The following GLB1 variants were observed in gnomAD, a reference collection of about 807,000 sequenced individuals.
GLB1 encodes galactosidase beta 1, also known as beta-galactosidase.
GLB1 carries 56 observed loss-of-function variants against 74.0 expected under a neutral mutation model. The ratio of observed to expected loss-of-function variants is 0.76; its 90% CI spans 0.61 to 0.94. The LOEUF (loss-of-function observed/expected upper bound fraction) is 0.94, where lower values mean the gene tolerates loss of function less well. Among genes scored for constraint, GLB1 ranks in the 40% least tolerant of loss-of-function variants. The pLI is 0.00. For synonymous variants in GLB1, 323 were observed against 323.6 expected (o/e 1.00, Z 0.02); for missense variants, 787 against 845.5 (o/e 0.93, Z 0.86).
At chr3:33,082,153 G>A (rs1054171406) in intron 1 of GLB1, among the ~76,000 whole-genome samples, 1 of 152,240 alleles carries the variant, frequency 6.6e-6, no homozygotes, top group Non-Finnish European at 1.5e-5. Context: ...TGACATGGTA[G>A]CACCAGGGAA....
intron 10 of GLB1, among the ~76,000 whole-genome samples, chr3:33,044,665 T>G (rs1232950407): frequency 6.6e-6 from 1 of 152,172 alleles, no homozygotes; most frequent in African/African-American, 2.4e-5. Flanking sequence ...ATAAGTGTGG[T>G]AAGTCTAGAT....
At chr3:32,964,294 G>A in the GLB1 span, among the ~76,000 whole-genome samples, 1 of 152,298 alleles carries the variant, frequency 6.6e-6, no homozygotes, top group Non-Finnish European at 1.5e-5. Flanking sequence ...GTGAACGATG[G>A]TTCACATGGA....
At chr3:32,989,842 A>G in the GLB1 span, among the ~76,000 whole-genome samples, 2 of 152,134 alleles carry the variant, frequency 1.3e-5, no homozygotes, top group African/African-American at 4.8e-5. Context: ...ATTTTCCTAA[A>G]CTGTAAACTG....
At position 33,059,936 on chromosome 3, in the gene GLB1, T is replaced by C. The variant is rs555821504; in HGVS notation, c.553-1667A>G. Among the ~76,000 whole-genome samples the C allele has an allele frequency of 5.9e-5, 9 of 152,302 alleles. No individual in the cohort carries two copies. The South Asian group carries it at 8.3e-4, about 14-fold the overall frequency. On this transcript the variant is annotated intron_variant, in intron 5 of 15. Coordinates refer to ENST00000307363, the MANE Select transcript of GLB1 (RefSeq NM_000404.4). ...AGTCCCAGAAAAGAGGTGCTTAGCCTGAGTGCCTGGGAGAGATTGTTAGGG... is the reference window on the plus strand; with the variant it reads ...AGTCCCAGAAAAGAGGTGCTTAGCCCGAGTGCCTGGGAGAGATTGTTAGGG...
intron 1 of GLB1, among the ~76,000 whole-genome samples, chr3:33,074,135 C>T (rs955503378): frequency 6.7e-6 from 1 of 149,932 alleles, no homozygotes; most frequent in South Asian, 2.1e-4. Context: ...GTCAGGAGAT[C>T]GAAAGCATCC....
intron 15 of GLB1, among the ~76,000 whole-genome samples, chr3:33,013,729 C>A (rs957115854): frequency 6.6e-6 from 1 of 152,104 alleles, no homozygotes; most frequent in Non-Finnish European, 1.5e-5. Flanking sequence ...GAGGGATCCA[C>A]CTCTTTGTCT....
intron 10 of GLB1, among the ~76,000 whole-genome samples, chr3:33,041,833 G>A (rs1463949921): frequency 6.6e-6 from 1 of 151,902 alleles, no homozygotes; most frequent in Non-Finnish European, 1.5e-5. Flanking sequence ...GTGGTCCTGG[G>A]ACAAAGGTAC....
the GLB1 span, among the ~76,000 whole-genome samples, chr3:32,986,843 C>T: frequency 9.2e-5 from 14 of 152,158 alleles, no homozygotes; most frequent in Middle Eastern, 3.4e-3. Context: ...CACTCGCCTT[C>T]GCCTCCCAAA....
At chr3:33,021,693 C>T in intron 11 of GLB1, 38 bp from the exon 12 acceptor site, 3 of 1,598,362 alleles carry the variant, frequency 1.9e-6, no homozygotes, top group Non-Finnish European at 2.6e-6. Context: ...ACACTGCACC[C>T]CTCACTGGTC....
the GLB1 span, among the ~76,000 whole-genome samples, chr3:32,972,020 C>CA: frequency 3.3e-5 from 5 of 152,194 alleles, no homozygotes; most frequent in Admixed American, 3.3e-4. Flanking sequence ...AGCATAATCA[C>CA]AAAAATAGAC....
intron 11 of GLB1, among the ~76,000 whole-genome samples, chr3:33,021,979 C>T (rs772188564): frequency 3.9e-5 from 6 of 152,158 alleles, no homozygotes; most frequent in Non-Finnish European, 2.9e-5. Context: ...TCCTTATAAA[C>T]CCTCTCTGAA....
chr3:33,056,035 C>T (rs1429481121), intron 6 of GLB1, among the ~76,000 whole-genome samples: 5 of 151,352 alleles, frequency 3.3e-5, no homozygotes, highest in Admixed American at 1.3e-4. Context: ...TGAAACCAGC[C>T]GGGCCAACAT....
downstream of GLB1, among the ~76,000 whole-genome samples, chr3:32,992,677 G>T (rs934431547): frequency 2.6e-5 from 4 of 152,208 alleles, no homozygotes; most frequent in Non-Finnish European, 5.9e-5. Flanking sequence ...CTGTCCTGTT[G>T]TATCTTAGGA....
chr3:33,029,197 C>A (rs1342721066), intron 10 of GLB1, among the ~76,000 whole-genome samples: 2 of 152,166 alleles, frequency 1.3e-5, no homozygotes, highest in Non-Finnish European at 2.9e-5. Context: ...TACCAAAATG[C>A]TATACTTCTA....
chr3:32,999,930 C>T (rs763817267), intron 15 of GLB1, among the ~76,000 whole-genome samples: 2 of 151,590 alleles, frequency 1.3e-5, no homozygotes, highest in Non-Finnish European at 2.9e-5. Context: ...GGATTACAGG[C>T]GTGAGCCACC....
At chr3:33,067,372 C>T (rs1327434263) in intron 4 of GLB1, among the ~76,000 whole-genome samples, 2 of 151,896 alleles carry the variant, frequency 1.3e-5, no homozygotes, top group Non-Finnish European at 2.9e-5. Flanking sequence ...AATCATGGCT[C>T]ACTGCAGTCT....
chr3:32,971,528 C>T, the GLB1 span, among the ~76,000 whole-genome samples: 1 of 152,180 alleles, frequency 6.6e-6, no homozygotes. Flanking sequence ...CTGTGGGAGG[C>T]AAAGGAATTA....
At chr3:33,079,309 A>C (rs1700240086) in intron 1 of GLB1, among the ~76,000 whole-genome samples, 1 of 152,232 alleles carries the variant, frequency 6.6e-6, no homozygotes, top group Non-Finnish European at 1.5e-5. Context: ...ATCAAATGGT[A>C]CGTTTAAGAT....
In GLB1 at chr3:33,024,235, T is replaced by A; in HGVS notation, c.1143+16A>T. 1 of 1,604,360 alleles carries A rather than the reference T, an allele frequency of 6.2e-7. No individual in the cohort carries two copies. The highest frequency in any genetic ancestry group is 1.1e-5 in the South Asian group (1 of 89,604). On this transcript the variant is annotated intron_variant, in intron 11 of 15. Transcript: ENST00000307363. ...CATCTCTCACTTTCAAAGTTTCTGT[T>A]ATTTTTTTTTCTTACCTTTTCCAAA...
Sources: allele counts gnomAD v4.1 joint callset (sites outside exome capture counted in the v4.1 genomes callset), GRCh38; gene constraint gnomAD v4.1.1; transcripts MANE v1.5; gene names NCBI Gene and HGNC (gene_info 2026-07-23, HGNC 2026-07-21).